The following EHMT1 variants were observed in gnomAD, a reference collection of about 807,000 sequenced individuals.
EHMT1 encodes the protein euchromatic histone lysine methyltransferase 1.
In EHMT1, 15 loss-of-function variants were observed where a neutral mutation model predicts 147.2. The ratio of observed to expected loss-of-function variants is 0.10; its 90% CI spans 0.07 to 0.16. EHMT1 has a LOEUF of 0.16. Ranked by LOEUF, EHMT1 falls within the 10% of genes least tolerant of loss-of-function variation. The pLI is 1.00. For missense variants in EHMT1, 1,587 were observed against 1,772.4 expected (o/e 0.90, Z 1.88); for synonymous variants, 795 against 709.6 (o/e 1.12, Z -1.91).
At chr9:137,708,980 C>T (rs1944469223) in intron 1 of EHMT1, among the ~76,000 whole-genome samples, 1 of 152,190 alleles carries the variant, frequency 6.6e-6, no homozygotes, top group Non-Finnish European at 1.5e-5. Flanking sequence ...GCTCACAGGC[C>T]ATCATCTCAC....
intron 1 of EHMT1, 52 bp downstream of exon 1, chr9:137,619,101 AGGCGGCGCGGG>A: frequency 1.7e-6 from 1 of 590,146 alleles, no homozygotes; most frequent in Non-Finnish European, 2.1e-6. Context: ...GCAGCGGCGG[AGGCGGCGCGGG>A]GGCGAAGAAC....
At chr9:137,619,477 C>T (rs1319718038) in intron 1 of EHMT1, among the ~76,000 whole-genome samples, 7 of 152,202 alleles carry the variant, frequency 4.6e-5, no homozygotes, top group East Asian at 3.9e-4. Flanking sequence ...GAGCGCCGGC[C>T]GAGGCGAGGC....
chr9:137,728,707 C>A, intron 4 of EHMT1, 178 bp downstream of exon 4: 2 of 733,438 alleles, frequency 2.7e-6, no homozygotes, highest in African/African-American at 1.7e-5. Flanking sequence ...CTGACCTCTG[C>A]TCTAAGCCTT....
In EHMT1 at chr9:137,695,543, T is replaced by C. The variant is rs527443106; in HGVS notation, c.22-15424T>C. ...AGGAATTCAGACGGCACAGAGGAGA[T>C]GACTTTATTTTGGTCAATGAGTCTC... On this transcript the variant is annotated intron_variant, in intron 1 of 26. Transcript: ENST00000460843. Among the ~76,000 whole-genome samples, 17 of 152,382 alleles carry C rather than the reference T, an allele frequency of 1.1e-4. No individual in the cohort carries two copies. In the East Asian group the frequency reaches 3.3e-3, roughly 29 times the overall value.
intron 3 of EHMT1, among the ~76,000 whole-genome samples, chr9:137,726,499 A>G (rs1946642767): frequency 6.6e-6 from 1 of 152,066 alleles, no homozygotes; most frequent in Non-Finnish European, 1.5e-5. Context: ...TGCACACGAC[A>G]CTTTGCTGAT....
Position 137,718,500 on chromosome 9 carries a change from A to G in EHMT1, c.642+1318A>G, listed in dbSNP as rs149467428. On this transcript the variant is annotated intron_variant, in intron 3 of 26. Coordinates refer to ENST00000460843, the MANE Select transcript of EHMT1 (RefSeq NM_024757.5). ...TGTTTAGGGCTTCACAGCCCTGTCA[A>G]TTGGAGGATTTGTGTCTTCAGCTCC... Among the ~76,000 whole-genome samples the G allele has an allele frequency of 5.2e-3, 795 of 152,260 alleles. 3 individuals are homozygous for G. Among genetic ancestry groups the G allele is most frequent in the Non-Finnish European group, 8.2e-3 (557 of 68,022 alleles).
intron 1 of EHMT1, among the ~76,000 whole-genome samples, chr9:137,707,128 C>CA (rs1944335503): frequency 6.6e-6 from 1 of 152,226 alleles, no homozygotes; most frequent in Admixed American, 6.5e-5. Flanking sequence ...CCTGGCCTAT[C>CA]ATTTACATTT....
chr9:137,809,214 C>G (rs1588833750), intron 18 of EHMT1, among the ~76,000 whole-genome samples: 2 of 152,224 alleles, frequency 1.3e-5, no homozygotes, highest in East Asian at 1.9e-4. Flanking sequence ...GATGAAGATG[C>G]TGGAGACCAG....
intron 22 of EHMT1, 40 bp downstream of exon 22, chr9:137,814,548 G>A: frequency 3.1e-6 from 5 of 1,597,332 alleles, no homozygotes; most frequent in Non-Finnish European, 4.2e-6. Flanking sequence ...GGTGGTAAGT[G>A]CCGCTGGTCC....
intron 16 of EHMT1, chr9:137,794,956 T>A (rs1952788216): frequency 6.6e-6 from 1 of 152,206 alleles, no homozygotes; most frequent in Non-Finnish European, 1.5e-5. Context: ...ATGGCGGATA[T>A]GAAGACATTT....
chr9:137,821,403 C>T (rs1020626317), intron 25 of EHMT1, among the ~76,000 whole-genome samples: 3 of 146,420 alleles, frequency 2.0e-5, no homozygotes, highest in African/African-American at 7.5e-5. Flanking sequence ...TCATAGCTCA[C>T]TGCAGCCTTG....
chr9:137,778,183 G>A (rs557705669), intron 13 of EHMT1, 128 bp downstream of exon 13: 30 of 1,256,498 alleles, frequency 2.4e-5, no homozygotes, highest in African/African-American at 4.4e-5. Context: ...AGAATAATTC[G>A]TATATTTTCA....
intron 16 of EHMT1, among the ~76,000 whole-genome samples, chr9:137,796,885 C>T (rs1444326071): frequency 7.3e-5 from 11 of 151,632 alleles, no homozygotes; most frequent in Admixed American, 3.3e-4. Flanking sequence ...ACTGACGGGG[C>T]GGGACATAGA....
rs191855499 is a variant in EHMT1, at chr9:137,712,340, G to A, written c.85+1310G>A. Among the ~76,000 whole-genome samples, 417 of 152,186 alleles carry A rather than the reference G, an allele frequency of 2.7e-3. 1 individual carries two copies. Among genetic ancestry groups the A allele is most frequent in the Non-Finnish European group, 4.7e-3 (320 of 67,990 alleles). On this transcript the variant is annotated intron_variant, in intron 2 of 26. Transcript: ENST00000460843. ...GTGCCCTGTTCCCTTACACACTGCCGCTGAGCCACGGCCTCTCCACCCTGG... is the reference window on the plus strand; with the variant it reads ...GTGCCCTGTTCCCTTACACACTGCCACTGAGCCACGGCCTCTCCACCCTGG...
chr9:137,773,462 A>C (rs1324267253), intron 10 of EHMT1, among the ~76,000 whole-genome samples: 1 of 151,388 alleles, frequency 6.6e-6, no homozygotes, highest in East Asian at 1.9e-4. Context: ...TTGGGCATCG[A>C]GAAGTCTCTT....
At chr9:137,797,321 T>A (rs758331312) in intron 16 of EHMT1, among the ~76,000 whole-genome samples, 1 of 152,136 alleles carries the variant, frequency 6.6e-6, no homozygotes, top group Non-Finnish European at 1.5e-5. Flanking sequence ...TTTGGCTGAC[T>A]CTCAATCCCC....
At chr9:137,832,041 G>A (rs1431482528) in intron 25 of EHMT1, among the ~76,000 whole-genome samples, 2 of 149,282 alleles carry the variant, frequency 1.3e-5, no homozygotes, top group South Asian at 2.1e-4. Flanking sequence ...CCAGTCCTAG[G>A]ATTGGCTGGG....
intron 15 of EHMT1, chr9:137,784,212 G>T: frequency 1.9e-6 from 3 of 1,549,144 alleles, no homozygotes; most frequent in Non-Finnish European, 2.6e-6. Flanking sequence ...AGAGGAAGAT[G>T]CTCCAGCACA....
At chr9:137,636,936 C>T (rs1295774247) in intron 1 of EHMT1, among the ~76,000 whole-genome samples, 133 of 138,486 alleles carry the variant, frequency 9.6e-4, no homozygotes, top group African/African-American at 1.1e-3. Context: ...TTCGCTCTGT[C>T]GCCCAGGCTG....
Sources: allele counts gnomAD v4.1 joint callset (sites outside exome capture counted in the v4.1 genomes callset), GRCh38; gene constraint gnomAD v4.1.1; transcripts MANE v1.5; gene names NCBI Gene and HGNC (gene_info 2026-07-23, HGNC 2026-07-21).